Variants in FLACC1 observed in about 807,000 individuals in gnomAD.
The protein encoded by FLACC1 is flagellum associated containing coiled-coil domains 1, also known as flagellum-associated coiled-coil domain-containing protein 1.
FLACC1 carries 66 observed loss-of-function variants against 62.8 expected under a neutral mutation model. The observed-to-expected ratio is 1.05, with a 90% CI of 0.86 to 1.29. FLACC1 has a LOEUF of 1.29. FLACC1 is among the 50% of genes most tolerant of loss of function. The pLI, the probability that FLACC1 is intolerant of heterozygous loss-of-function variation, is 0.00. For synonymous variants in FLACC1, 156 were observed against 161.0 expected, an observed-to-expected ratio of 0.97 and a Z score of 0.24; for missense variants, 452 against 489.1, an observed-to-expected ratio of 0.92 and a Z score of 0.71.
At chr2:201,304,811 T>C (rs1397850327) in intron 11 of FLACC1, among the ~76,000 whole-genome samples, 7 of 152,214 alleles carry the variant, frequency 4.6e-5, no homozygotes. Context: ...TTGACAAACC[T>C]GACAAAAACA....
At chr2:201,289,668 C>G in intron 13 of FLACC1, 28 bp downstream of exon 13, 1 of 1,611,978 alleles carries the variant, frequency 6.2e-7, no homozygotes, top group Non-Finnish European at 8.5e-7. Flanking sequence ...TTCCCCCAAC[C>G]CCCATCCCCA....
At chr2:201,328,645 CA>C (rs1394785982) in intron 9 of FLACC1, among the ~76,000 whole-genome samples, 1 of 152,176 alleles carries the variant, frequency 6.6e-6, no homozygotes, top group Non-Finnish European at 1.5e-5. Flanking sequence ...AGGCTGGTCT[CA>C]AAATCCTGAC....
rs760225038 is a variant in FLACC1, at chr2:201,350,800, A to G, written c.114-18T>C. ...GAGTTAGCCTGAAAGTGAAAAACAA[A>G]TAACTAAAACAAGAACATTGGAAAT... On this transcript the variant is annotated intron_variant, in intron 2 of 14. Coordinates refer to ENST00000392257, the MANE Select transcript of FLACC1 (RefSeq NM_001127391.3). 3 of 1,599,896 alleles carry G rather than the reference A, an allele frequency of 1.9e-6. No individual in the cohort carries two copies. Among genetic ancestry groups the G allele is most frequent in the African/African-American group, 1.3e-5 (1 of 74,502 alleles).
At chr2:201,354,033 C>A (rs1202817657) in intron 1 of FLACC1, among the ~76,000 whole-genome samples, 1 of 152,226 alleles carries the variant, frequency 6.6e-6, no homozygotes, top group South Asian at 2.1e-4. Context: ...CAATATTACA[C>A]TGGAATACAT....
intron 11 of FLACC1, among the ~76,000 whole-genome samples, chr2:201,306,522 C>T (rs1213928664): frequency 1.3e-5 from 2 of 152,158 alleles, no homozygotes; most frequent in Non-Finnish European, 2.9e-5. Flanking sequence ...TTACACTTCA[C>T]TTCATACACA....
intron 9 of FLACC1, among the ~76,000 whole-genome samples, chr2:201,325,789 T>A (rs757812123): frequency 6.6e-6 from 1 of 152,142 alleles, no homozygotes; most frequent in Admixed American, 6.5e-5. Flanking sequence ...TTCCGAAAGA[T>A]TGAGAAAGAG....
In FLACC1 at chr2:201,346,468, G is replaced by T; in HGVS notation, c.368+74C>A. ...GCCTGGGTGTGGGCATAGCGGCTTT[G>T]GCTTGTCCCTGAGGCCGGGCTGAGC... On this transcript the variant is annotated intron_variant, in intron 5 of 14. Coordinates refer to ENST00000392257, the MANE Select transcript of FLACC1 (RefSeq NM_001127391.3). The surrounding 1 kb of genome is among the most constrained non-coding windows in gnomAD (Gnocchi z 4.0). The T allele has an allele frequency of 1.3e-6, 2 of 1,590,332 alleles. No individual in the cohort carries two copies. The highest frequency in any genetic ancestry group is 1.3e-5 in the African/African-American group (1 of 74,902).
intron 12 of FLACC1, among the ~76,000 whole-genome samples, chr2:201,291,198 C>T (rs1329930971): frequency 1.3e-5 from 2 of 152,190 alleles, no homozygotes; most frequent in African/African-American, 4.8e-5. Context: ...CAGCACGCAG[C>T]TTGAGATCTG....
At chr2:201,290,527 T>A (rs558526615) in intron 12 of FLACC1, among the ~76,000 whole-genome samples, 18 of 152,216 alleles carry the variant, frequency 1.2e-4, no homozygotes, top group African/African-American at 4.3e-4. Flanking sequence ...CAAAGGTCCT[T>A]AGAATGCAAA....
At chr2:201,353,377 C>G (rs186141628) in intron 1 of FLACC1, among the ~76,000 whole-genome samples, 5 of 152,014 alleles carry the variant, frequency 3.3e-5, no homozygotes, top group Admixed American at 2.6e-4. Context: ...AATTAACATA[C>G]GGAGCACAGA....
chr2:201,306,208 C>G (rs1364294700), intron 11 of FLACC1, among the ~76,000 whole-genome samples: 1 of 151,964 alleles, frequency 6.6e-6, no homozygotes, highest in Non-Finnish European at 1.5e-5. Context: ...AGGAAGGAGG[C>G]CTGTCTTACA....
Position 201,330,213 on chromosome 2 carries a change from A to G in FLACC1, c.675+257T>C, listed in dbSNP as rs543737611. On this transcript the variant is annotated intron_variant, in intron 9 of 14. Transcript: ENST00000392257. ...TGATATTTCTTTTTGCTCCATTACA[A>G]AAAATGAGAAGCTATTACTTTTGTA... Among the ~76,000 whole-genome samples, 416 of 152,336 alleles carry G rather than the reference A, an allele frequency of 2.7e-3. 6 individuals carry two copies. The highest frequency in any genetic ancestry group is 9.3e-3 in the African/African-American group (387 of 41,568).
upstream of FLACC1, among the ~76,000 whole-genome samples, chr2:201,361,009 C>T (rs559209989): frequency 9.9e-5 from 15 of 152,150 alleles, no homozygotes; most frequent in Non-Finnish European, 1.9e-4. Flanking sequence ...ACCCAGGAGG[C>T]GGAGGTTGCA....
rs1465917737 is a variant in FLACC1, at chr2:201,316,885, T to C, written c.676-7635A>G. On this transcript the variant is annotated intron_variant, in intron 9 of 14. Transcript: ENST00000392257. Reference sequence around the variant, plus strand: ...TCAAGTGGGTTTCATACCAGGGATATAGGCTTAACATACTCAAGTCAATAA... The same window carrying C: ...TCAAGTGGGTTTCATACCAGGGATACAGGCTTAACATACTCAAGTCAATAA... 2.0e-5 allele frequency among the ~76,000 whole-genome samples: 3 copies of C among 151,756 alleles called. No homozygotes were observed. In the East Asian group the frequency reaches 5.8e-4, roughly 29 times the overall value.
At chr2:201,344,406 G>A (rs2125613817) in intron 5 of FLACC1, 143 bp from the exon 6 acceptor site, 5 of 700,154 alleles carry the variant, frequency 7.1e-6, no homozygotes, top group South Asian at 6.4e-5. Flanking sequence ...TCATTATGGG[G>A]TGGGGGTGGA....
intron 12 of FLACC1, among the ~76,000 whole-genome samples, chr2:201,298,242 A>G (rs1014020051): frequency 1.5e-4 from 23 of 152,200 alleles, no homozygotes; most frequent in Non-Finnish European, 3.1e-4. Flanking sequence ...GTTCCACACT[A>G]AAGACTGCTT....
chr2:201,293,885 T>C (rs1332914603), intron 12 of FLACC1, among the ~76,000 whole-genome samples: 1 of 151,882 alleles, frequency 6.6e-6, no homozygotes, highest in Non-Finnish European at 1.5e-5. Context: ...CAGAGAGTAC[T>C]ATAAACACCT....
chr2:201,293,682 T>G (rs577202071), intron 12 of FLACC1, among the ~76,000 whole-genome samples: 6 of 151,900 alleles, frequency 3.9e-5, no homozygotes, highest in South Asian at 2.1e-4. Flanking sequence ...AGAGCAGAAC[T>G]GAAGGAGATA....
chr2:201,361,088 GAAAACA>G (rs1002332469), upstream of FLACC1, among the ~76,000 whole-genome samples: 1 of 152,028 alleles, frequency 6.6e-6, no homozygotes, highest in Non-Finnish European at 1.5e-5. Flanking sequence ...AGAAGAGGAA[GAAAACA>G]AAAACAAAAA....
Sources: allele counts gnomAD v4.1 joint callset (sites outside exome capture counted in the v4.1 genomes callset), GRCh38; gene constraint gnomAD v4.1.1; non-coding constraint Gnocchi (gnomAD v3.1); transcripts MANE v1.5; gene names NCBI Gene and HGNC (gene_info 2026-07-23, HGNC 2026-07-21).